Variants in PLXNA4 observed in about 807,000 individuals in gnomAD.
PLXNA4 encodes the protein plexin-A4.
Under a neutral mutation model 191.8 loss-of-function variants are expected in PLXNA4, and 44 were observed. The observed-to-expected ratio is 0.23, with a 90% CI of 0.18 to 0.29. The LOEUF (loss-of-function observed/expected upper bound fraction) is 0.29, where lower values mean the gene tolerates loss of function less well. Among genes scored for constraint, PLXNA4 ranks in the 10% least tolerant of loss-of-function variants. The pLI is 1.00. For synonymous variants in PLXNA4, 1,082 were observed against 1,009.5 expected, an observed-to-expected ratio of 1.07 and a Z score of -1.36; for missense variants, 1,800 against 2,488.8, an observed-to-expected ratio of 0.72 and a Z score of 5.89.
At chr7:132,352,079 C>T (rs755938843) in intron 3 of PLXNA4, among the ~76,000 whole-genome samples, 14 of 152,084 alleles carry the variant, frequency 9.2e-5, no homozygotes, top group Non-Finnish European at 1.9e-4. Context: ...GATTTAAGGG[C>T]GAGGAGGCTG....
intron 4 of PLXNA4, among the ~76,000 whole-genome samples, chr7:132,289,590 T>A (rs1224592248): frequency 1.3e-5 from 2 of 152,108 alleles, no homozygotes; most frequent in Non-Finnish European, 2.9e-5. Context: ...TGGAGTACAG[T>A]GGCATGACCA....
intron 2 of PLXNA4, among the ~76,000 whole-genome samples, chr7:132,498,463 C>T (rs1043265509): frequency 2.6e-5 from 4 of 152,098 alleles, no homozygotes; most frequent in African/African-American, 9.7e-5. Flanking sequence ...TTATAATATC[C>T]TCAGATCTCA....
chr7:132,219,299 TA>T (rs1379691240), intron 9 of PLXNA4, among the ~76,000 whole-genome samples: 1 of 152,216 alleles, frequency 6.6e-6, no homozygotes, highest in Admixed American at 6.5e-5. Flanking sequence ...GTGGTCGACC[TA>T]AGCCTTGACT....
In PLXNA4 at chr7:132,522,203, C is replaced by T. The variant is rs1342413970; in HGVS notation, c.-86-13424G>A. 2.6e-5 allele frequency among the ~76,000 whole-genome samples: 4 copies of T among 152,282 alleles called. 1 individual carries two copies. Among genetic ancestry groups the T allele is most frequent in the African/African-American group, 7.2e-5 (3 of 41,546 alleles). ...AGAGGGGACAACACCTGCCAGCTCC[C>T]ACTGCCCTCCTACTCTTATGCCACC... On this transcript the variant is annotated intron_variant, in intron 1 of 31. Transcript: ENST00000321063.
intron 31 of PLXNA4, among the ~76,000 whole-genome samples, chr7:132,132,433 TTCTGTTC>T (rs1400144199): frequency 1.2e-5 from 1 of 81,948 alleles, no homozygotes; most frequent in African/African-American, 4.9e-5. Flanking sequence ...TTCTGTTCTG[TTCTGTTC>T]TGTTCTGTTC....
chr7:132,600,040 A>G (rs1802787659), intron 2 of PLXNA4, among the ~76,000 whole-genome samples: 1 of 152,210 alleles, frequency 6.6e-6, no homozygotes, highest in African/African-American at 2.4e-5. Flanking sequence ...CTACTTGATA[A>G]TGATGTGTTT....
At chr7:132,197,167 C>T (rs1231699649) in intron 13 of PLXNA4, among the ~76,000 whole-genome samples, 1 of 152,124 alleles carries the variant, frequency 6.6e-6, no homozygotes, top group South Asian at 2.1e-4. Context: ...GCATTTTCTT[C>T]TAATCCTTTC....
chr7:132,147,683 C>T (rs921317994), intron 27 of PLXNA4, among the ~76,000 whole-genome samples: 1 of 152,224 alleles, frequency 6.6e-6, no homozygotes, highest in Non-Finnish European at 1.5e-5. Flanking sequence ...GTTGGCTTTA[C>T]TTCTTTTGCT....
chr7:132,216,831 C>T (rs1797978255), intron 9 of PLXNA4, among the ~76,000 whole-genome samples: 1 of 152,196 alleles, frequency 6.6e-6, no homozygotes, highest in Non-Finnish European at 1.5e-5. Flanking sequence ...CAGCTTCCAC[C>T]CAAAACTCCT....
intron 13 of PLXNA4, among the ~76,000 whole-genome samples, chr7:132,195,590 A>G (rs1797230750): frequency 6.6e-6 from 1 of 152,236 alleles, no homozygotes; most frequent in Admixed American, 6.5e-5. Context: ...TGCCAACACC[A>G]GATATGAACA....
Position 132,554,499 on chromosome 7 carries a change from T to C in PLXNA4, c.-87+21923A>G, listed in dbSNP as rs116991275. ...ACCTTTCTCCACAGTCAACCAGTGG[T>C]TCTTTCCTCTCTCAGCCCGAGTGTT... On this transcript the variant is annotated intron_variant, in intron 1 of 31. Coordinates refer to ENST00000321063, the MANE Select transcript of PLXNA4 (RefSeq NM_020911.2). Among the ~76,000 whole-genome samples the C allele has an allele frequency of 9.8e-5, 15 of 152,342 alleles. No homozygotes were observed. In the East Asian group the frequency reaches 2.9e-3, roughly 29 times the overall value.
chr7:132,361,666 A>G (rs1803948514), intron 3 of PLXNA4, among the ~76,000 whole-genome samples: 1 of 152,230 alleles, frequency 6.6e-6, no homozygotes, highest in Non-Finnish European at 1.5e-5. Context: ...GAGGCCAGAA[A>G]TTTGTTTAAC....
intron 1 of PLXNA4, among the ~76,000 whole-genome samples, chr7:132,536,883 AG>A (rs1320442416): frequency 6.6e-6 from 1 of 152,236 alleles, no homozygotes; most frequent in East Asian, 1.9e-4. Flanking sequence ...TCTGAAGAAA[AG>A]CAGATTATTT....
At chr7:132,215,385 C>T (rs1024579269) in intron 9 of PLXNA4, among the ~76,000 whole-genome samples, 3 of 152,192 alleles carry the variant, frequency 2.0e-5, no homozygotes, top group Non-Finnish European at 4.4e-5. Context: ...GGTTTGGATT[C>T]GATGAATTGT....
At chr7:132,385,429 C>CA in intron 3 of PLXNA4, 1 of 1,301,750 alleles carries the variant, frequency 7.7e-7, no homozygotes, top group Non-Finnish European at 1.0e-6. Context: ...ATATGTATTA[C>CA]AAAATGTATT....
At chr7:132,301,947 A>G (rs1283255923) in intron 3 of PLXNA4, among the ~76,000 whole-genome samples, 3 of 152,220 alleles carry the variant, frequency 2.0e-5, no homozygotes, top group Admixed American at 6.5e-5. Flanking sequence ...CCTTGCCCCA[A>G]GTTCAATGAT....
chr7:132,625,716 C>G (rs567319967), intron 2 of PLXNA4, among the ~76,000 whole-genome samples: 16 of 152,284 alleles, frequency 1.1e-4, no homozygotes, highest in African/African-American at 3.6e-4. Flanking sequence ...ACTATCACTG[C>G]AAAAGACTTG....
intron 2 of PLXNA4, 90 bp downstream of exon 2, chr7:132,507,416 A>C: frequency 7.3e-7 from 1 of 1,371,602 alleles, no homozygotes; most frequent in Non-Finnish European, 9.8e-7. Context: ...GCAAAAGGGG[A>C]AGGATGATAC....
intron 3 of PLXNA4, among the ~76,000 whole-genome samples, chr7:132,418,164 G>A (rs1191265475): frequency 6.6e-5 from 10 of 152,130 alleles, no homozygotes; most frequent in Admixed American, 6.5e-4. Context: ...GCTGCTGTAT[G>A]TTTTATCTTA....
Sources: gnomAD v4.1 joint callset for allele counts (sites outside exome capture counted in the v4.1 genomes callset) on GRCh38, gnomAD v4.1.1 for gene constraint, MANE v1.5 for transcripts, NCBI Gene and HGNC (gene_info 2026-07-23, HGNC 2026-07-21) for gene names.